TEAD1: variants seen among roughly 807,000 people sequenced by gnomAD.
The protein encoded by TEAD1 is transcriptional enhancer factor TEF-1.
Under a neutral mutation model 54.9 loss-of-function variants are expected in TEAD1, and 9 were observed. The observed-to-expected ratio is 0.16, with a 90% CI of 0.10 to 0.29. The LOEUF is 0.29. Ranked by LOEUF, TEAD1 falls within the 10% of genes least tolerant of loss-of-function variation. The pLI, the probability that TEAD1 is intolerant of heterozygous loss-of-function variation, is 1.00. For synonymous variants in TEAD1, 200 were observed against 187.8 expected, an observed-to-expected ratio of 1.07 and a Z score of -0.53; for missense variants, 387 against 535.9, an observed-to-expected ratio of 0.72 and a Z score of 2.74.
rs187568317 is a variant in TEAD1, at chr11:12,738,338, A to G, written c.-54-25841A>G. On this transcript the variant is annotated intron_variant, in intron 2 of 12. Coordinates refer to ENST00000527636, the MANE Select transcript of TEAD1 (RefSeq NM_021961.6). ...ATTGATAAAAATTTAGCATCAATAA[A>G]TATTTAGCAGCCTTGAAGAATGTTT... 3.0e-3 allele frequency among the ~76,000 whole-genome samples: 461 copies of G among 152,354 alleles called. 11 individuals carry two copies. Among genetic ancestry groups the G allele is most frequent in the Admixed American group, 0.029 (438 of 15,296 alleles).
intron 2 of TEAD1, among the ~76,000 whole-genome samples, chr11:12,695,680 A>T (rs1414109582): frequency 1.3e-5 from 2 of 152,198 alleles, no homozygotes; most frequent in South Asian, 4.1e-4. Flanking sequence ...ACCCAGACTG[A>T]TGGACTCTTT....
At chr11:12,709,397 C>T (rs1943887189) in intron 2 of TEAD1, among the ~76,000 whole-genome samples, 1 of 151,342 alleles carries the variant, frequency 6.6e-6, no homozygotes, top group African/African-American at 2.4e-5. Context: ...AGTTTTGTTT[C>T]TTTTTTTGAA....
At chr11:12,814,845 G>T (rs1172286292) in intron 3 of TEAD1, among the ~76,000 whole-genome samples, 2 of 148,112 alleles carry the variant, frequency 1.4e-5, no homozygotes, top group Non-Finnish European at 3.0e-5. Flanking sequence ...GTGTGTCCCC[G>T]TCCGTCCCGA....
intron 1 of TEAD1, 138 bp from the exon 2 acceptor site, chr11:12,675,271 C>G (rs1393555865): frequency 1.3e-5 from 2 of 152,130 alleles, no homozygotes; most frequent in Non-Finnish European, 2.9e-5. Context: ...CTGCACCCCC[C>G]TGCTTTCGCC....
chr11:12,899,221 C>G (rs1639511011), intron 9 of TEAD1, among the ~76,000 whole-genome samples: 1 of 152,150 alleles, frequency 6.6e-6, no homozygotes, highest in Non-Finnish European at 1.5e-5. Flanking sequence ...CCTTCTGGAA[C>G]TGGGGCGGTC....
At chr11:12,735,156 C>T (rs1437580682) in intron 2 of TEAD1, among the ~76,000 whole-genome samples, 1 of 152,082 alleles carries the variant, frequency 6.6e-6, no homozygotes, top group Non-Finnish European at 1.5e-5. Flanking sequence ...GGAAGTCTGG[C>T]CCAGGACTTT....
intron 10 of TEAD1, among the ~76,000 whole-genome samples, chr11:12,915,335 C>A (rs556131749): frequency 3.9e-5 from 6 of 152,262 alleles, no homozygotes; most frequent in African/African-American, 1.4e-4. Context: ...CTTCCTGATC[C>A]TTCTGCCCCC....
chr11:12,932,461 T>C (rs372822236), intron 12 of TEAD1, among the ~76,000 whole-genome samples: 1 of 152,198 alleles, frequency 6.6e-6, no homozygotes, highest in East Asian at 1.9e-4. Flanking sequence ...TGATTCTGTT[T>C]CTGCATGCTA....
chr11:12,785,670 C>T (rs1428475070), intron 3 of TEAD1, among the ~76,000 whole-genome samples: 2 of 152,110 alleles, frequency 1.3e-5, no homozygotes, highest in Admixed American at 6.5e-5. Context: ...CTTTAGGTTC[C>T]GGGAACTTAC....
intron 3 of TEAD1, among the ~76,000 whole-genome samples, chr11:12,842,091 C>T (rs1484012233): frequency 3.3e-5 from 5 of 151,856 alleles, no homozygotes; most frequent in Non-Finnish European, 7.4e-5. Flanking sequence ...CAAAACAAAA[C>T]AGGCAAATGT....
intron 3 of TEAD1, among the ~76,000 whole-genome samples, chr11:12,841,993 C>T (rs1164837853): frequency 6.6e-6 from 1 of 152,068 alleles, no homozygotes; most frequent in East Asian, 1.9e-4. Context: ...GAAATGTAGT[C>T]GGCTTTCCTC....
Position 12,944,118 on chromosome 11 carries a change from T to G in TEAD1, c.*6896T>G, listed in dbSNP as rs1447748804. On this transcript the variant is annotated 3_prime_UTR_variant, in exon 13 of 13. Coordinates refer to ENST00000527636, the MANE Select transcript of TEAD1 (RefSeq NM_021961.6). ...TTGTGTCACGTGTATAAAATGGGCT[T>G]GTGATGTAAGCGTTTCATCTGGTCA... 6.5e-6 allele frequency: 1 copy of G among 152,672 alleles called. No individual in the cohort carries two copies. The highest frequency in any genetic ancestry group is 1.5e-5 in the Non-Finnish European group (1 of 68,050). 9.5% of individuals were successfully genotyped at this position (152,672 alleles called of 1,614,324 possible).
chr11:12,853,227 A>AG (rs571139726), intron 3 of TEAD1, among the ~76,000 whole-genome samples: 333 of 152,210 alleles, frequency 2.2e-3, no homozygotes, highest in Non-Finnish European at 3.7e-3. Context: ...TTAGCATGGC[A>AG]GGGTGGGTTC....
chr11:12,844,796 A>G (rs1947106570), intron 3 of TEAD1, among the ~76,000 whole-genome samples: 1 of 151,968 alleles, frequency 6.6e-6, no homozygotes, highest in South Asian at 2.1e-4. Context: ...GATATGTTTT[A>G]GCACTTTTGG....
At chr11:12,804,581 G>C (rs1946129486) in intron 3 of TEAD1, among the ~76,000 whole-genome samples, 1 of 152,194 alleles carries the variant, frequency 6.6e-6, no homozygotes, top group Non-Finnish European at 1.5e-5. Flanking sequence ...AGTACTATGT[G>C]ATTTTTGTTG....
intron 2 of TEAD1, among the ~76,000 whole-genome samples, chr11:12,750,748 C>T (rs568444000): frequency 6.6e-6 from 1 of 152,280 alleles, no homozygotes; most frequent in East Asian, 1.9e-4. Flanking sequence ...TCTCTCTTCC[C>T]CACATCTCCT....
At chr11:12,878,683 A>C (rs890588465) in intron 5 of TEAD1, among the ~76,000 whole-genome samples, 8 of 152,088 alleles carry the variant, frequency 5.3e-5, no homozygotes, top group African/African-American at 1.4e-4. Context: ...TTGCCTTTCT[A>C]GATAGCCATC....
At chr11:12,871,198 C>T (rs1205689093) in intron 5 of TEAD1, among the ~76,000 whole-genome samples, 1 of 152,176 alleles carries the variant, frequency 6.6e-6, no homozygotes, top group East Asian at 1.9e-4. Context: ...TAGAGGTCTC[C>T]CTTGGACCTT....
intron 3 of TEAD1, among the ~76,000 whole-genome samples, chr11:12,813,865 C>A (rs1946358101): frequency 6.6e-6 from 1 of 152,152 alleles, no homozygotes; most frequent in South Asian, 2.1e-4. Context: ...TCTCCTCCTA[C>A]ACCTTGAGTC....
Sources: gnomAD v4.1 joint callset for allele counts (sites outside exome capture counted in the v4.1 genomes callset) on GRCh38, gnomAD v4.1.1 for gene constraint, MANE v1.5 for transcripts, NCBI Gene and HGNC (gene_info 2026-07-23, HGNC 2026-07-21) for gene names.